Variants in LHFPL3 observed in about 807,000 individuals in gnomAD.
LHFPL3 encodes the protein LHFPL tetraspan subfamily member 3 protein.
Under a neutral mutation model 19.3 loss-of-function variants are expected in LHFPL3, and 5 were observed. The observed-to-expected ratio is 0.26, with a 90% CI of 0.14 to 0.54. The LOEUF (loss-of-function observed/expected upper bound fraction) is 0.54, where lower values mean the gene tolerates loss of function less well. Ranked by LOEUF, LHFPL3 falls within the 20% of genes least tolerant of loss-of-function variation. The probability of loss-of-function intolerance (pLI) is 0.94; values close to 1 mark genes in which losing one functional copy is unlikely to be tolerated. For missense variants in LHFPL3, 249 were observed against 307.4 expected (o/e 0.81, Z 1.42); for synonymous variants, 133 against 126.2 (o/e 1.05, Z -0.36).
chr7:104,444,389 A>T (rs10258646), intron 1 of LHFPL3, among the ~76,000 whole-genome samples: 2 of 152,018 alleles, frequency 1.3e-5, no homozygotes, highest in African/African-American at 4.8e-5. Context: ...ACTGAGTGTC[A>T]GCTTATCTGA....
At chr7:104,572,660 T>A (rs1790251048) in intron 1 of LHFPL3, among the ~76,000 whole-genome samples, 1 of 152,236 alleles carries the variant, frequency 6.6e-6, no homozygotes, top group Admixed American at 6.5e-5. Context: ...TCTATAGTAC[T>A]CTATTAGCTA....
intron 2 of LHFPL3, among the ~76,000 whole-genome samples, chr7:104,819,668 C>A (rs764187902): frequency 6.6e-6 from 1 of 152,206 alleles, no homozygotes; most frequent in Non-Finnish European, 1.5e-5. Context: ...ACTTTAAATG[C>A]GATTCACAGG....
At chr7:104,409,288 AACTT>A (rs1394932650) in intron 1 of LHFPL3, among the ~76,000 whole-genome samples, 2 of 149,408 alleles carry the variant, frequency 1.3e-5, no homozygotes, top group East Asian at 3.9e-4. Flanking sequence ...AATTGCTAAA[AACTT>A]ACTTATGTGT....
intron 1 of LHFPL3, among the ~76,000 whole-genome samples, chr7:104,607,807 A>T (rs1264649802): frequency 6.6e-6 from 1 of 152,214 alleles, no homozygotes; most frequent in African/African-American, 2.4e-5. Flanking sequence ...ACAAGAAAAA[A>T]ACAACCCCAT....
intron 1 of LHFPL3, among the ~76,000 whole-genome samples, chr7:104,544,098 A>G (rs1794538245): frequency 6.6e-6 from 1 of 151,844 alleles, no homozygotes; most frequent in Non-Finnish European, 1.5e-5. Flanking sequence ...ATAAAAGTGA[A>G]TGCCTGATTT....
chr7:104,544,961 A>G (rs1399833666), intron 1 of LHFPL3, among the ~76,000 whole-genome samples: 1 of 136,750 alleles, frequency 7.3e-6, no homozygotes, highest in Non-Finnish European at 1.6e-5. Flanking sequence ...GATTAGGTGC[A>G]TTAGATAAAA....
chr7:104,543,007 A>G (rs1344999834), intron 1 of LHFPL3, among the ~76,000 whole-genome samples: 3 of 152,274 alleles, frequency 2.0e-5, no homozygotes, highest in East Asian at 1.9e-4. Flanking sequence ...TTGCAGGGAC[A>G]TGGATGAAGC....
intron 1 of LHFPL3, among the ~76,000 whole-genome samples, chr7:104,345,626 C>A (rs1374009168): frequency 6.6e-6 from 1 of 152,070 alleles, no homozygotes; most frequent in Non-Finnish European, 1.5e-5. Flanking sequence ...AAAATATTTA[C>A]AAATATTTCA....
intron 1 of LHFPL3, among the ~76,000 whole-genome samples, chr7:104,591,310 T>C (rs1790717308): frequency 6.6e-6 from 1 of 152,212 alleles, no homozygotes; most frequent in Admixed American, 6.5e-5. Flanking sequence ...GCAGGCCTGA[T>C]GGTGACAAAA....
At chr7:104,583,129 C>G (rs1464334011) in intron 1 of LHFPL3, among the ~76,000 whole-genome samples, 3 of 152,010 alleles carry the variant, frequency 2.0e-5, no homozygotes, top group African/African-American at 7.2e-5. Context: ...ACCAATGGAA[C>G]AGAACAGAGC....
chr7:104,590,752 C>G (rs1790697445), intron 1 of LHFPL3, among the ~76,000 whole-genome samples: 1 of 152,152 alleles, frequency 6.6e-6, no homozygotes, highest in African/African-American at 2.4e-5. Context: ...GAGTCTAAGT[C>G]TCTTTGTAGG....
chr7:104,343,967 C>T (rs1408633950), intron 1 of LHFPL3, among the ~76,000 whole-genome samples: 1 of 152,054 alleles, frequency 6.6e-6, no homozygotes, highest in East Asian at 1.9e-4. Context: ...TTTAATATTT[C>T]ACCATTTAGA....
In LHFPL3 at chr7:104,877,405, C is replaced by G. The variant is rs147653253; in HGVS notation, c.683-28782C>G. ...CAAAGTATGTAAACAGCTTTTAAAA[C>G]TCTACAATAAAAGGACAAATGACCC... On this transcript the variant is annotated intron_variant, in intron 2 of 2. Transcript: ENST00000424859. 1.4e-3 allele frequency among the ~76,000 whole-genome samples: 211 copies of G among 152,174 alleles called. 2 individuals are homozygous for G. The highest frequency in any genetic ancestry group is 4.8e-3 in the African/African-American group (201 of 41,502).
intron 1 of LHFPL3, among the ~76,000 whole-genome samples, chr7:104,542,132 G>A (rs1794497049): frequency 6.6e-6 from 1 of 151,994 alleles, no homozygotes; most frequent in Non-Finnish European, 1.5e-5. Context: ...AGAGCCGAGA[G>A]TGTCACTGGA....
At chr7:104,737,152 CTT>C (rs5886330) in intron 2 of LHFPL3, among the ~76,000 whole-genome samples, 6 of 150,946 alleles carry the variant, frequency 4.0e-5, no homozygotes, top group East Asian at 1.9e-4. Context: ...TATTTTGATG[CTT>C]TTTTTTTTCC....
intron 1 of LHFPL3, among the ~76,000 whole-genome samples, chr7:104,453,235 A>G (rs1792475194): frequency 6.6e-6 from 1 of 150,950 alleles, no homozygotes; most frequent in Admixed American, 6.6e-5. Flanking sequence ...TAAAAGGTGG[A>G]GAATTTTTTT....
intron 1 of LHFPL3, among the ~76,000 whole-genome samples, chr7:104,490,970 C>T (rs910629784): frequency 2.0e-5 from 3 of 152,100 alleles, no homozygotes; most frequent in Non-Finnish European, 4.4e-5. Context: ...TGGGTGAGCC[C>T]TCCAGGACCC....
intron 1 of LHFPL3, among the ~76,000 whole-genome samples, chr7:104,369,297 T>G (rs1216429847): frequency 6.6e-6 from 1 of 152,240 alleles, no homozygotes; most frequent in Non-Finnish European, 1.5e-5. Context: ...CTTTTCTGGA[T>G]ATTTTATATA....
intron 1 of LHFPL3, among the ~76,000 whole-genome samples, chr7:104,656,467 T>C (rs1215831211): frequency 6.6e-6 from 1 of 152,192 alleles, no homozygotes; most frequent in Non-Finnish European, 1.5e-5. Flanking sequence ...CAGCCCCTGC[T>C]TCCCAGTTTC....
Sources: allele counts gnomAD v4.1 joint callset (sites outside exome capture counted in the v4.1 genomes callset), GRCh38; gene constraint gnomAD v4.1.1; transcripts MANE v1.5; gene names NCBI Gene and HGNC (gene_info 2026-07-23, HGNC 2026-07-21).